Variants in SLC4A10 observed in about 807,000 individuals in gnomAD.
SLC4A10 encodes sodium-driven chloride bicarbonate exchanger.
Under a neutral mutation model 137.7 loss-of-function variants are expected in SLC4A10, and 42 were observed. That is an observed-to-expected ratio of 0.30 (90% CI 0.24 to 0.39). The LOEUF (loss-of-function observed/expected upper bound fraction) is 0.39. SLC4A10 is among the 10% of genes least tolerant of loss of function. The probability of loss-of-function intolerance (pLI) is 1.00; values close to 1 mark genes in which losing one functional copy is unlikely to be tolerated. For synonymous variants in SLC4A10, 474 were observed against 464.1 expected (o/e 1.02, Z -0.27); for missense variants, 925 against 1,355.0 (o/e 0.68, Z 4.98).
In SLC4A10 at chr2:161,907,252, A is replaced by G. The variant is rs78532559; in HGVS notation, c.1997+1365A>G. On this transcript the variant is annotated intron_variant, in intron 15 of 26. Transcript: ENST00000446997. ...AAAGCAAATAGTGAGAATATTGTAAACAGGGCTAAGAAAGGACTGAGCATA... is the reference window on the plus strand; with the variant it reads ...AAAGCAAATAGTGAGAATATTGTAAGCAGGGCTAAGAAAGGACTGAGCATA... 7.7e-3 allele frequency among the ~76,000 whole-genome samples: 1,173 copies of G among 152,306 alleles called. 57 individuals carry two copies. The East Asian group carries it at 0.13, about 17-fold the overall frequency.
chr2:161,947,855 A>AT (rs1310124676), intron 17 of SLC4A10, 128 bp downstream of exon 17: 24 of 1,024,254 alleles, frequency 2.3e-5, no homozygotes, highest in Non-Finnish European at 3.3e-5. Context: ...GTGGAGTGAG[A>AT]TGAGGGGCTG....
intron 3 of SLC4A10, among the ~76,000 whole-genome samples, chr2:161,822,883 G>T (rs1331558264): frequency 2.0e-5 from 3 of 152,132 alleles, no homozygotes; most frequent in African/African-American, 7.2e-5. Context: ...CCTGGAGCAG[G>T]AGAACTGCTT....
At position 161,855,253 on chromosome 2, in the gene SLC4A10, T is replaced by C. The variant is rs543169017; in HGVS notation, c.577+123T>C. On this transcript the variant is annotated intron_variant, in intron 5 of 26. Transcript: ENST00000446997. Reference sequence around the variant, plus strand: ...TAATTCTCATAATCACTGCATAAGGTCTTAAAAGTCATTTTCTTTTACCCT... The same window carrying C: ...TAATTCTCATAATCACTGCATAAGGCCTTAAAAGTCATTTTCTTTTACCCT... 83 of 823,188 alleles carry C rather than the reference T, an allele frequency of 1.0e-4. 1 individual carries two copies. In the South Asian group the frequency reaches 2.5e-3, roughly 25 times the overall value. 51.0% of individuals were successfully genotyped at this position (823,188 alleles called of 1,614,324 possible). A position where few individuals can be genotyped will look rare whatever the true frequency, so the allele number is the denominator to read the frequency against.
intron 2 of SLC4A10, among the ~76,000 whole-genome samples, chr2:161,773,763 C>A (rs913315718): frequency 6.6e-6 from 1 of 151,828 alleles, no homozygotes; most frequent in Non-Finnish European, 1.5e-5. Flanking sequence ...ATTATACATT[C>A]TGCTAAATGA....
chr2:161,784,227 A>T (rs895470142), intron 2 of SLC4A10, among the ~76,000 whole-genome samples: 7 of 151,900 alleles, frequency 4.6e-5, no homozygotes, highest in African/African-American at 1.7e-4. Context: ...TTAAGCACCT[A>T]AACATATAAA....
intron 1 of SLC4A10, among the ~76,000 whole-genome samples, chr2:161,760,890 T>C (rs1267536436): frequency 1.3e-5 from 2 of 151,698 alleles, no homozygotes; most frequent in Admixed American, 1.3e-4. Flanking sequence ...GGTATATATA[T>C]AACATACATA....
At chr2:161,815,035 A>C (rs902545085) in intron 3 of SLC4A10, among the ~76,000 whole-genome samples, 2 of 152,192 alleles carry the variant, frequency 1.3e-5, no homozygotes, top group Non-Finnish European at 2.9e-5. Context: ...AATAGTAAAA[A>C]TAAATTTCTA....
At chr2:161,787,121 T>A (rs1481391432) in intron 2 of SLC4A10, among the ~76,000 whole-genome samples, 2 of 152,104 alleles carry the variant, frequency 1.3e-5, no homozygotes, top group Non-Finnish European at 2.9e-5. Context: ...CTCATGGTGA[T>A]GAATTTTCTT....
intron 19 of SLC4A10, among the ~76,000 whole-genome samples, chr2:161,954,680 A>G (rs1200819386): frequency 1.3e-5 from 2 of 152,208 alleles, no homozygotes; most frequent in Non-Finnish European, 2.9e-5. Flanking sequence ...GTTTACATTA[A>G]ATCAAGATGC....
At chr2:161,810,724 CTCATAGTGA>C (rs1399038131) in intron 3 of SLC4A10, among the ~76,000 whole-genome samples, 3 of 151,944 alleles carry the variant, frequency 2.0e-5, no homozygotes, top group Admixed American at 1.3e-4. Context: ...GCCCACTTTT[CTCATAGTGA>C]ATTAGATTTT....
intron 2 of SLC4A10, among the ~76,000 whole-genome samples, chr2:161,794,624 A>G (rs1317702198): frequency 6.6e-6 from 1 of 152,184 alleles, no homozygotes; most frequent in Non-Finnish European, 1.5e-5. Flanking sequence ...CACATTGGGT[A>G]TAGAACATTG....
chr2:161,928,595 A>G (rs1689690821), intron 15 of SLC4A10, among the ~76,000 whole-genome samples: 1 of 149,394 alleles, frequency 6.7e-6, no homozygotes, highest in African/African-American at 2.5e-5. Context: ...AAACTTCTCA[A>G]TGGCTGTCCC....
rs146336636 is a variant in SLC4A10 at position 161,778,227 on chromosome 2, C to T, written c.130+7173C>T. Among the ~76,000 whole-genome samples, 145 of 152,014 alleles carry T rather than the reference C, an allele frequency of 9.5e-4. 1 individual carries two copies. Among genetic ancestry groups the T allele is most frequent in the African/African-American group, 3.2e-3 (131 of 41,512 alleles). Reference sequence around the variant, plus strand: ...ATCCTTCATTTGCTAGTGTTTTCCTCTACACAAAAATAGAATGCTCATTCT... The same window carrying T: ...ATCCTTCATTTGCTAGTGTTTTCCTTTACACAAAAATAGAATGCTCATTCT... On this transcript the variant is annotated intron_variant, in intron 2 of 26. Coordinates refer to ENST00000446997, the MANE Select transcript of SLC4A10 (RefSeq NM_001178015.2).
chr2:161,755,352 A>G (rs2049496606), intron 1 of SLC4A10, among the ~76,000 whole-genome samples: 1 of 152,214 alleles, frequency 6.6e-6, no homozygotes, highest in African/African-American at 2.4e-5. Context: ...AAACTACAGA[A>G]GACGGAGGAA....
intron 1 of SLC4A10, among the ~76,000 whole-genome samples, chr2:161,676,905 C>T (rs563939603): frequency 6.6e-6 from 1 of 152,170 alleles, no homozygotes; most frequent in Non-Finnish European, 1.5e-5. Flanking sequence ...AATATATCAC[C>T]TCTTAGCCTA....
chr2:161,856,358 AACACACACACACACACAC>A (rs55983659), intron 5 of SLC4A10, among the ~76,000 whole-genome samples: 8 of 141,926 alleles, frequency 5.6e-5, no homozygotes, highest in East Asian at 4.1e-4. Flanking sequence ...AAAATACTAA[AACACACACACACACACAC>A]ACACACACAC....
chr2:161,740,932 A>T (rs2125243147), intron 1 of SLC4A10, among the ~76,000 whole-genome samples: 1 of 152,324 alleles, frequency 6.6e-6, no homozygotes, highest in Admixed American at 6.5e-5. Context: ...GCAAATTAAC[A>T]TATTCACGAA....
chr2:161,925,026 G>A (rs1427104540), intron 15 of SLC4A10, among the ~76,000 whole-genome samples: 1 of 152,182 alleles, frequency 6.6e-6, no homozygotes, highest in Non-Finnish European at 1.5e-5. Flanking sequence ...AGTCTTGAAA[G>A]TGGAAGCTAG....
chr2:161,963,052 T>C (rs1696996836), intron 21 of SLC4A10, among the ~76,000 whole-genome samples: 1 of 152,126 alleles, frequency 6.6e-6, no homozygotes, highest in African/African-American at 2.4e-5. Context: ...ATTTTCTAAA[T>C]AATCGCCTCT....
Sources: gnomAD v4.1 joint callset for allele counts (sites outside exome capture counted in the v4.1 genomes callset) on GRCh38, gnomAD v4.1.1 for gene constraint, MANE v1.5 for transcripts, NCBI Gene and HGNC (gene_info 2026-07-23, HGNC 2026-07-21) for gene names.